CD8A: variants seen among roughly 807,000 people sequenced by gnomAD.
The protein encoded by CD8A is CD8 subunit alpha.
Under a neutral mutation model 24.2 loss-of-function variants are expected in CD8A, and 25 were observed. The ratio of observed to expected loss-of-function variants is 1.03; its 90% CI spans 0.75 to 1.44. The LOEUF is 1.44. Ranked by LOEUF, CD8A falls within the 40% of genes most tolerant of loss-of-function variation. The probability of loss-of-function intolerance (pLI) is 0.00; values close to 1 mark genes in which losing one functional copy is unlikely to be tolerated. For missense variants in CD8A, 360 were observed against 319.7 expected (o/e 1.13, Z -0.96); for synonymous variants, 165 against 149.9 (o/e 1.10, Z -0.74).
chr2:86,805,739 C>A (rs1272389613), intron 2 of CD8A, among the ~76,000 whole-genome samples: 1 of 152,138 alleles, frequency 6.6e-6, no homozygotes, highest in Non-Finnish European at 1.5e-5. Flanking sequence ...GCTTAGAGAA[C>A]CTGATTTCCT....
In CD8A at chr2:86,790,329, TG is replaced by T. The variant is rs1360265378; in HGVS notation, c.401del (p.Pro134GlnfsTer158). On this transcript the variant is annotated frameshift_variant and splice_region_variant, in exon 2 of 6. Coordinates refer to ENST00000283635, the MANE Select transcript of CD8A (RefSeq NM_001768.7). LOFTEE classifies it high-confidence loss of function. ...YFSHFVPVFL[P>X]AKPTTTPAPR... ...GGTGCCGCAACCCGGCGCGCGGACCTGGCAGGAAGACCGGCACGAAGTGGCT... is the reference window on the plus strand; with the variant it reads ...GGTGCCGCAACCCGGCGCGCGGACCTGCAGGAAGACCGGCACGAAGTGGCT... The T allele has an allele frequency of 6.2e-7, 1 of 1,612,370 alleles. No individual in the cohort carries two copies.
chr2:86,807,002 G>A (rs976379315), intron 2 of CD8A, among the ~76,000 whole-genome samples: 29 of 152,060 alleles, frequency 1.9e-4, no homozygotes, highest in African/African-American at 6.8e-4. Context: ...GCCCCATGAT[G>A]TTTTTGTTTT....
At chr2:86,799,625 G>C (rs764540937) in intron 3 of CD8A, among the ~76,000 whole-genome samples, 2 of 152,094 alleles carry the variant, frequency 1.3e-5, no homozygotes, top group Non-Finnish European at 2.9e-5. Flanking sequence ...GCACGGTGGC[G>C]GGCGCCTGTA....
In CD8A at chr2:86,790,665, G is replaced by A. The variant is rs1236340527; in HGVS notation, c.66C>T (p.Ser22=). 1 of 1,598,442 alleles carries A rather than the reference G, an allele frequency of 6.3e-7. No homozygotes were observed. The highest frequency in any genetic ancestry group is 8.5e-7 in the Non-Finnish European group (1 of 1,178,706). Residue 22 remains serine (S), a synonymous_variant, in exon 2 of 6, where the codon AGC becomes AGT. Coordinates refer to ENST00000283635, the MANE Select transcript of CD8A (RefSeq NM_001768.7). ...LALLLHAARP[S]QFRVSPLDRT... Reference sequence around the variant, plus strand: ...GATCCAGCGGCGACACCCGGAACTGGCTCGGCCTGGCGGCGTCTGCAGGCG... The same window carrying A: ...GATCCAGCGGCGACACCCGGAACTGACTCGGCCTGGCGGCGTCTGCAGGCG...
rs1410563509 is a variant in CD8A, at chr2:86,787,037, AAAAG to A, written c.657-1070_657-1067del. On this transcript the variant is annotated intron_variant, in intron 5 of 5. Coordinates refer to ENST00000283635, the MANE Select transcript of CD8A (RefSeq NM_001768.7). ...TCCGTCTCAAAAAAAAAAAAAAAAA[AAAAG>A]AAAAGAAAAGAAAAGAAAAGCTAAA... Among the ~76,000 whole-genome samples, 212 of 139,450 alleles carry A rather than the reference AAAAG, an allele frequency of 1.5e-3. 2 individuals are homozygous for A. The highest frequency in any genetic ancestry group is 4.7e-3 in the African/African-American group (179 of 38,486). 91.5% of individuals were successfully genotyped at this position (139,450 alleles called of 152,430 possible). A position where few individuals can be genotyped will look rare whatever the true frequency, so the allele number is the denominator to read the frequency against.
chr2:86,789,380 C>A lies in CD8A; in HGVS notation c.568G>T (p.Ala190Ser). 3 of 1,614,030 alleles carry A rather than the reference C, an allele frequency of 1.9e-6. No homozygotes were observed. The highest frequency in any genetic ancestry group is 2.5e-6 in the Non-Finnish European group (3 of 1,179,914). ...ACDIYIWAPLAGTCGVLLLSL... is the reference protein window; with the variant it reads ...ACDIYIWAPLSGTCGVLLLSL... ...AGGAGAAGGACCCCACAAGTCCCGG[C>A]CAAGGGCGCCCAGATGTAGATATCA... Residue 190 changes from alanine to serine, a missense_variant, in exon 4 of 6, where the codon GCC becomes TCC. Coordinates refer to ENST00000283635, the MANE Select transcript of CD8A (RefSeq NM_001768.7).
In CD8A at chr2:86,790,315, C is replaced by G. The variant is rs765709466; in HGVS notation, c.403+13G>C. 2.5e-6 allele frequency: 4 copies of G among 1,601,234 alleles called. No homozygotes were observed. Among genetic ancestry groups the G allele is most frequent in the Admixed American group, 1.7e-5 (1 of 59,986 alleles). On this transcript the variant is annotated intron_variant, in intron 2 of 5. Coordinates refer to ENST00000283635, the MANE Select transcript of CD8A (RefSeq NM_001768.7). ...GCCCCACGCGGAGAGGTGCCGCAAC[C>G]CGGCGCGCGGACCTGGCAGGAAGAC...
intron 4 of CD8A, 38 bp downstream of exon 4, chr2:86,789,285 G>C: frequency 7.4e-7 from 1 of 1,350,118 alleles, no homozygotes; most frequent in Non-Finnish European, 1.1e-6. Context: ...GGCAGGAGCG[G>C]GGCCGACTCC....
chr2:86,786,109 G>A, intron 5 of CD8A, 138 bp from the exon 6 acceptor site: 1 of 771,090 alleles, frequency 1.3e-6, no homozygotes, highest in South Asian at 1.4e-5. Flanking sequence ...ATGGGACTGG[G>A]TGAATGACGT....
chr2:86,800,604 A>G (rs78144889), intron 3 of CD8A, among the ~76,000 whole-genome samples: 32,802 of 152,134 alleles, frequency 0.22, 3,731 homozygotes, highest in Non-Finnish European at 0.25. Context: ...AAGAAGAATG[A>G]TGTCATTGAT....
At chr2:86,791,709 G>A, upstream of CD8A, 1 of 451,602 alleles carries the variant, frequency 2.2e-6, no homozygotes, top group Non-Finnish European at 4.4e-6. Flanking sequence ...CCAGCCCTTG[G>A]GTGCTGGCTC....
chr2:86,789,850 G>A, intron 2 of CD8A, 100 bp from the exon 3 acceptor site: 1 of 654,474 alleles, frequency 1.5e-6, no homozygotes, highest in Non-Finnish European at 2.3e-6. Context: ...GCCTCCCCCC[G>A]GTTTTCCTGG....
upstream of CD8A, among the ~76,000 whole-genome samples, chr2:86,794,377 G>C (rs773093453): frequency 3.3e-5 from 5 of 152,186 alleles, no homozygotes; most frequent in Non-Finnish European, 7.3e-5. Flanking sequence ...CTGCTCCTAA[G>C]ACATGAACTG....
In CD8A at chr2:86,789,447, A is replaced by G. The variant is rs563108217; in HGVS notation, c.515-14T>C. The stretch of plus-strand genomic sequence containing the variant: ...CCCTCGTGTGCACTGACGACACCAA[A>G]GACGCCGACATTTAGGAGAGGGCCC... On this transcript the variant is annotated splice_polypyrimidine_tract_variant and intron_variant, in intron 3 of 5. Transcript: ENST00000283635. 2.3e-5 allele frequency: 37 copies of G among 1,590,450 alleles called. No individual in the cohort carries two copies. Among genetic ancestry groups the G allele is most frequent in the Admixed American group, 3.3e-5 (2 of 59,978 alleles).
rs769627104 is a variant in CD8A, at chr2:86,790,341, C to A, written c.390G>T (p.Pro130=). The A allele has an allele frequency of 1.2e-6, 2 of 1,613,412 alleles. No homozygotes were observed. Among genetic ancestry groups the A allele is most frequent in the East Asian group, 4.5e-5 (2 of 44,874 alleles). Residue 130 remains proline, a synonymous_variant, in exon 2 of 6, where the codon CCG becomes CCT. Coordinates refer to ENST00000283635, the MANE Select transcript of CD8A (RefSeq NM_001768.7). ...NSIMYFSHFV[P]VFLPAKPTTT... ...CGGCGCGCGGACCTGGCAGGAAGAC[C>A]GGCACGAAGTGGCTGAAGTACATGA...
At position 86,784,791 on chromosome 2, in the gene CD8A, T is replaced by C; in HGVS notation, c.*1129A>G. Reference sequence around the variant, plus strand: ...TCCTAAGGTGAAGAATTATGAGTGGTTCTTATTTCCTTATCTACTTAAGTT... The same window carrying C: ...TCCTAAGGTGAAGAATTATGAGTGGCTCTTATTTCCTTATCTACTTAAGTT... On this transcript the variant is annotated 3_prime_UTR_variant, in exon 6 of 6. Coordinates refer to ENST00000283635, the MANE Select transcript of CD8A (RefSeq NM_001768.7). 2.2e-6 allele frequency: 1 copy of C among 454,076 alleles called. No individual in the cohort carries two copies. The highest frequency in any genetic ancestry group is 1.6e-5 in the South Asian group (1 of 64,468). The allele number at this position is 454,076 out of a possible 1,614,324, so 28.1% of individuals were successfully genotyped here.
upstream of CD8A, among the ~76,000 whole-genome samples, chr2:86,793,949 G>A (rs1005939205): frequency 3.9e-5 from 6 of 152,306 alleles, no homozygotes; most frequent in African/African-American, 1.2e-4. Context: ...CATCAAGGAG[G>A]CTTTGTGACC....
At chr2:86,806,183 GC>G (rs1394872666) in intron 2 of CD8A, among the ~76,000 whole-genome samples, 3 of 152,176 alleles carry the variant, frequency 2.0e-5, no homozygotes, top group African/African-American at 7.2e-5. Context: ...TTGGTGGCAA[GC>G]CCCCCGTGTG....
chr2:86,788,394 TG>T, intron 5 of CD8A, 135 bp downstream of exon 5: 1 of 750,772 alleles, frequency 1.3e-6, no homozygotes, highest in Non-Finnish European at 2.4e-6. Flanking sequence ...GCTCAGGAAC[TG>T]GCTGACTCCC....
Sources: gnomAD v4.1 joint callset for allele counts (sites outside exome capture counted in the v4.1 genomes callset) on GRCh38, gnomAD v4.1.1 for gene constraint, MANE v1.5 for transcripts, NCBI Gene and HGNC (gene_info 2026-07-23, HGNC 2026-07-21) for gene names.